The following ZRANB1 variants were observed in gnomAD, a reference collection of about 807,000 sequenced individuals.
The protein encoded by ZRANB1 is ubiquitin thioesterase ZRANB1.
Under a neutral mutation model 80.5 loss-of-function variants are expected in ZRANB1, and 16 were observed. The ratio of observed to expected loss-of-function variants is 0.20; its 90% CI spans 0.13 to 0.30. The LOEUF (loss-of-function observed/expected upper bound fraction) is 0.30. Among genes scored for constraint, ZRANB1 ranks in the 10% least tolerant of loss-of-function variants. ZRANB1 has a pLI of 1.00. For missense variants in ZRANB1, 576 were observed against 862.6 expected (o/e 0.67, Z 4.16); for synonymous variants, 291 against 293.1 (o/e 0.99, Z 0.07).
chr10:124,931,244 C>G, the ZRANB1 span, among the ~76,000 whole-genome samples: 2 of 151,846 alleles, frequency 1.3e-5, no homozygotes, highest in African/African-American at 4.8e-5. Context: ...AACTTTATAA[C>G]GATTTTTTGT....
Position 124,942,483 on chromosome 10 carries a change from A to C in ZRANB1, c.-11A>C. The C allele has an allele frequency of 6.2e-7, 1 of 1,614,148 alleles. No homozygotes were observed. The highest frequency in any genetic ancestry group is 8.5e-7 in the Non-Finnish European group (1 of 1,180,004). ...TTCCTGCCTGACACAGCTCACTTCA[A>C]GAAGTGCACAATGTCAGAACGTGGA... On this transcript the variant is annotated 5_prime_UTR_variant, in exon 1 of 9. Coordinates refer to ENST00000359653, the MANE Select transcript of ZRANB1 (RefSeq NM_017580.3).
chr10:124,945,108 T>A (rs1346533995), intron 1 of ZRANB1: 1 of 152,238 alleles, frequency 6.6e-6, no homozygotes, highest in Non-Finnish European at 1.5e-5. Flanking sequence ...ACATAAAAAT[T>A]CACCGTTTTG....
chr10:124,986,270 G>GACGCACGC lies in ZRANB1; in HGVS notation c.*1280_*1281insGCACGCAC, dbSNP rs1952031743. On this transcript the variant is annotated 3_prime_UTR_variant, in exon 9 of 9. Transcript: ENST00000359653. ...GATGTGGCCAGGAATTTGGAAAGAC[G>GACGCACGC]ACACACGCACGCGCGCGCGCGCACA... is the stretch of plus-strand genomic sequence containing the variant. The GACGCACGC allele has an allele frequency of 2.5e-5, 2 of 80,606 alleles. No individual in the cohort carries two copies. The highest frequency in any genetic ancestry group is 5.7e-5 in the Non-Finnish European group (2 of 35,006). 5.0% of individuals were successfully genotyped at this position (80,606 alleles called of 1,614,324 possible).
At position 124,974,358 on chromosome 10, in the gene ZRANB1, C is replaced by T; in HGVS notation, c.1387C>T (p.Arg463Trp). ...CATCTATGACAAGGACTCAGTGCTT[C>T]GGAAAGCCCTGCATGACAGCCTGCA... ...WGIYDKDSVL[R>W]KALHDSLHDC... The change falls in exon 5 of 9, where the codon CGG becomes TGG. Residue 463 changes from arginine (R) to tryptophan (W), a missense_variant. Arg to Trp is a moderately radical substitution (Grantham distance 101). This residue lies in a region of ZRANB1 where 411 missense variants were observed against 583.1 expected (regional missense o/e 0.70). Transcript: ENST00000359653. 1 of 1,614,260 alleles carries T rather than the reference C, an allele frequency of 6.2e-7. No homozygotes were observed. The highest frequency in any genetic ancestry group is 1.1e-5 in the South Asian group (1 of 91,090).
At chr10:124,978,089 G>A (rs545113563) in intron 5 of ZRANB1, among the ~76,000 whole-genome samples, 159 of 152,280 alleles carry the variant, frequency 1.0e-3, no homozygotes, top group African/African-American at 3.5e-3. Context: ...AAAATTAGTG[G>A]TTAGATAGTA....
At chr10:124,947,368 A>G (rs1281127858) in intron 1 of ZRANB1, among the ~76,000 whole-genome samples, 10 of 152,210 alleles carry the variant, frequency 6.6e-5, no homozygotes, top group Admixed American at 3.9e-4. Flanking sequence ...TGGGTAGACA[A>G]TAATGTATCT....
At chr10:124,922,334 ATAT>A in the ZRANB1 span, among the ~76,000 whole-genome samples, 9 of 41,422 alleles carry the variant, frequency 2.2e-4, no homozygotes, top group Admixed American at 1.2e-3. Flanking sequence ...ATGTATATAT[ATAT>A]TTTTTTTTTA....
In ZRANB1 at chr10:124,943,272, A is replaced by G. The variant is rs752319347; in HGVS notation, c.779A>G (p.Lys260Arg). Residue 260 changes from lysine (K) to arginine (R), a missense_variant, in exon 1 of 9, where the codon AAA becomes AGA. Physicochemically the swap from Lys to Arg is conservative, Grantham distance 26. This residue lies in a region of ZRANB1 where 411 missense variants were observed against 583.1 expected (regional missense o/e 0.70). Coordinates refer to ENST00000359653, the MANE Select transcript of ZRANB1 (RefSeq NM_017580.3). ...KKLKQIKNRM[K>R]KTDWLFLNAC... Reference sequence around the variant, plus strand: ...CTAAAGCAAATTAAAAACAGGATGAAAAAGACTGATTGGCTCTTCCTCAAT... The same window carrying G: ...CTAAAGCAAATTAAAAACAGGATGAGAAAGACTGATTGGCTCTTCCTCAAT... 5.6e-6 allele frequency: 9 copies of G among 1,614,068 alleles called. No individual in the cohort carries two copies. In the South Asian group the frequency reaches 6.6e-5, roughly 12 times the overall value.
intron 3 of ZRANB1, among the ~76,000 whole-genome samples, chr10:124,972,569 A>T (rs1007106767): frequency 3.3e-5 from 5 of 152,206 alleles, no homozygotes; most frequent in African/African-American, 1.2e-4. Flanking sequence ...TGAATTGAAC[A>T]CACTGCATCC....
chr10:124,958,572 T>A (rs1220327794), intron 1 of ZRANB1, among the ~76,000 whole-genome samples: 1 of 152,256 alleles, frequency 6.6e-6, no homozygotes, highest in Non-Finnish European at 1.5e-5. Context: ...TTTACATAGT[T>A]GAGATTATAT....
rs1448917089 is a variant in ZRANB1 at position 124,986,283 on chromosome 10, GCGCGCGCGCACA to G, written c.*1293_*1304del. ...ATTTGGAAAGACGACACACGCACGC[GCGCGCGCGCACA>G]CACACACACACACACACACACACAC... is the stretch of plus-strand genomic sequence containing the variant. On this transcript the variant is annotated 3_prime_UTR_variant, in exon 9 of 9. Coordinates refer to ENST00000359653, the MANE Select transcript of ZRANB1 (RefSeq NM_017580.3). 2 of 45,374 alleles carry G rather than the reference GCGCGCGCGCACA, an allele frequency of 4.4e-5. No homozygotes were observed. The highest frequency in any genetic ancestry group is 2.2e-4 in the Admixed American group (1 of 4,472). The allele number at this position is 45,374 out of a possible 1,614,324, so 2.8% of individuals were successfully genotyped here.
At chr10:124,941,875 G>A (rs1288677834), upstream of ZRANB1, among the ~76,000 whole-genome samples, 4 of 152,032 alleles carry the variant, frequency 2.6e-5, no homozygotes, top group Non-Finnish European at 5.9e-5. Context: ...TTTGTTAATT[G>A]TAGCCATTAC....
intron 5 of ZRANB1, among the ~76,000 whole-genome samples, chr10:124,977,287 T>C (rs1362214245): frequency 6.6e-6 from 1 of 151,856 alleles, no homozygotes; most frequent in East Asian, 1.9e-4. Context: ...TTTTTTTTTT[T>C]TTTTTCTTTT....
intron 1 of ZRANB1, among the ~76,000 whole-genome samples, chr10:124,949,518 CACACAT>C (rs1450589105): frequency 9.7e-6 from 1 of 102,798 alleles, no homozygotes; most frequent in African/African-American, 3.0e-5. Context: ...CACACACACA[CACACAT>C]TTTTTTTTTT....
upstream of ZRANB1, among the ~76,000 whole-genome samples, chr10:124,937,183 A>AT (rs35095657): frequency 6.4e-3 from 602 of 93,968 alleles, 8 homozygotes; most frequent in African/African-American, 0.019. Flanking sequence ...ATTTGTGTGT[A>AT]TTTTTTTTTT....
chr10:124,960,548 A>C (rs910272324), intron 1 of ZRANB1, among the ~76,000 whole-genome samples: 1 of 152,112 alleles, frequency 6.6e-6, no homozygotes, highest in Non-Finnish European at 1.5e-5. Flanking sequence ...CCTCACAAGT[A>C]GCTGGGACTA....
chr10:124,927,283 T>C, the ZRANB1 span, among the ~76,000 whole-genome samples: 1 of 152,328 alleles, frequency 6.6e-6, no homozygotes, highest in East Asian at 1.9e-4. Flanking sequence ...AGTTGATTTA[T>C]TGCAAGGCAG....
chr10:124,960,875 A>G (rs1951727709), intron 1 of ZRANB1, among the ~76,000 whole-genome samples: 1 of 152,240 alleles, frequency 6.6e-6, no homozygotes, highest in African/African-American at 2.4e-5. Context: ...CAGTGTGGCA[A>G]TTGAAATTTT....
chr10:124,967,598 G>T (rs1434713042), intron 2 of ZRANB1, among the ~76,000 whole-genome samples: 3 of 152,172 alleles, frequency 2.0e-5, no homozygotes, highest in Non-Finnish European at 4.4e-5. Flanking sequence ...CTGGAGAGGG[G>T]TGAGCCTGGT....
Sources: gnomAD v4.1 joint callset for allele counts (sites outside exome capture counted in the v4.1 genomes callset) on GRCh38, gnomAD v4.1.1 for gene constraint, gnomAD v4.1.1 regional missense constraint, MANE v1.5 for transcripts, NCBI Gene and HGNC (gene_info 2026-07-23, HGNC 2026-07-21) for gene names.